The following CACNA2D3 variants were observed in gnomAD, a reference collection of about 807,000 sequenced individuals.
CACNA2D3 encodes calcium voltage-gated channel auxiliary subunit alpha2delta 3.
CACNA2D3 carries 60 observed loss-of-function variants against 160.6 expected under a neutral mutation model. That is an observed-to-expected ratio of 0.37 (90% CI 0.30 to 0.46). CACNA2D3 has a LOEUF of 0.46. Ranked by LOEUF, CACNA2D3 falls within the 20% of genes least tolerant of loss-of-function variation. The pLI, the probability that CACNA2D3 is intolerant of heterozygous loss-of-function variation, is 1.00. For synonymous variants in CACNA2D3, 558 were observed against 492.9 expected (o/e 1.13, Z -1.75); for missense variants, 1,205 against 1,365.0 (o/e 0.88, Z 1.85).
intron 2 of CACNA2D3, among the ~76,000 whole-genome samples, chr3:54,288,933 G>C (rs1002503026): frequency 2.0e-5 from 3 of 152,080 alleles, no homozygotes; most frequent in Non-Finnish European, 2.9e-5. Flanking sequence ...AATAATAAGA[G>C]CTATCTATGA....
intron 2 of CACNA2D3, among the ~76,000 whole-genome samples, chr3:54,289,632 G>A (rs552503580): frequency 2.6e-5 from 4 of 152,330 alleles, no homozygotes; most frequent in East Asian, 1.9e-4. Context: ...AAAGCTGGAA[G>A]CATCACGCTA....
intron 35 of CACNA2D3, among the ~76,000 whole-genome samples, chr3:55,022,997 TA>T (rs35801444): frequency 2.0e-5 from 3 of 152,212 alleles, no homozygotes; most frequent in South Asian, 2.1e-4. Context: ...CTCTTTAATT[TA>T]AAAAAAGCAT....
At chr3:54,512,077 C>T (rs1249537691) in intron 5 of CACNA2D3, among the ~76,000 whole-genome samples, 1 of 152,162 alleles carries the variant, frequency 6.6e-6, no homozygotes, top group Non-Finnish European at 1.5e-5. Flanking sequence ...AAGGGATTGC[C>T]TTGCTGAGGG....
rs757775786 is a variant in CACNA2D3, at chr3:54,193,781, G to T, written c.204+70187G>T. ...CAATGTGTTGTTGTTGAGAGTGTCAGCTCCATGGCCTGAGAGACCTAGGTT... is the reference window on the plus strand; with the variant it reads ...CAATGTGTTGTTGTTGAGAGTGTCATCTCCATGGCCTGAGAGACCTAGGTT... On this transcript the variant is annotated intron_variant, in intron 2 of 37. Transcript: ENST00000474759. 2.6e-5 allele frequency among the ~76,000 whole-genome samples: 4 copies of T among 152,310 alleles called. No individual in the cohort carries two copies. The South Asian group carries it at 6.2e-4, about 24-fold the overall frequency.
At chr3:54,431,612 T>G (rs1432157170) in intron 4 of CACNA2D3, among the ~76,000 whole-genome samples, 2 of 152,160 alleles carry the variant, frequency 1.3e-5, no homozygotes, top group Non-Finnish European at 2.9e-5. Context: ...TATGAAAATA[T>G]GGCTTTATTT....
At chr3:54,917,580 G>A (rs979548627) in intron 27 of CACNA2D3, among the ~76,000 whole-genome samples, 1 of 152,302 alleles carries the variant, frequency 6.6e-6, no homozygotes, top group Non-Finnish European at 1.5e-5. Context: ...CACTCTGTGC[G>A]CTATGTATGC....
At chr3:54,715,159 G>A (rs1701029910) in intron 11 of CACNA2D3, among the ~76,000 whole-genome samples, 1 of 152,182 alleles carries the variant, frequency 6.6e-6, no homozygotes, top group African/African-American at 2.4e-5. Flanking sequence ...CTGTGAATTG[G>A]GGGGTTCCCA....
At chr3:55,039,465 G>A (rs1053807761) in intron 35 of CACNA2D3, among the ~76,000 whole-genome samples, 3 of 152,216 alleles carry the variant, frequency 2.0e-5, no homozygotes, top group African/African-American at 7.2e-5. Flanking sequence ...AGGAAGAATA[G>A]TGGAATGAAC....
At chr3:54,931,522 C>T (rs1283274120) in intron 27 of CACNA2D3, among the ~76,000 whole-genome samples, 1 of 152,138 alleles carries the variant, frequency 6.6e-6, no homozygotes, top group Non-Finnish European at 1.5e-5. Flanking sequence ...AAAAGAGGAA[C>T]CAAGGAGAGA....
chr3:54,597,987 C>T (rs963924482), intron 9 of CACNA2D3, among the ~76,000 whole-genome samples: 2 of 151,892 alleles, frequency 1.3e-5, no homozygotes, highest in African/African-American at 2.4e-5. Flanking sequence ...ATCCATAGAG[C>T]GAGGATCAGT....
chr3:54,393,294 G>A (rs1458279667), intron 4 of CACNA2D3, among the ~76,000 whole-genome samples: 1 of 152,224 alleles, frequency 6.6e-6, no homozygotes, highest in Non-Finnish European at 1.5e-5. Flanking sequence ...TGAGGGAGCT[G>A]GCTGGTGTCC....
Position 54,570,079 on chromosome 3 carries a change from A to G in CACNA2D3, c.863A>G (p.Asp288Gly). Residue 288 changes from aspartate (D) to glycine (G), a missense_variant, in exon 8 of 38, where the codon GAT becomes GGT. Physicochemically the swap from Asp to Gly is moderately conservative, Grantham distance 94. Around this residue, in one of 3 missense-constraint regions of CACNA2D3, gnomAD observed 911 missense variants for 1,002.2 expected, o/e 0.91. Transcript: ENST00000474759. Reference sequence around the variant, plus strand: ...TCATCCATTTTGGATACACTTGGGGATGATGACTTCTTCAACATAATTGCT... The same window carrying G: ...TCATCCATTTTGGATACACTTGGGGGTGATGACTTCTTCAACATAATTGCT... ...TVSSILDTLG[D>G]DDFFNIIAYN... 6.2e-7 allele frequency: 1 copy of G among 1,613,720 alleles called. No individual in the cohort carries two copies.
chr3:54,183,362 C>G (rs1004239584), intron 2 of CACNA2D3, among the ~76,000 whole-genome samples: 2 of 151,946 alleles, frequency 1.3e-5, no homozygotes, highest in Non-Finnish European at 2.9e-5. Flanking sequence ...GGCCTGCCCT[C>G]TTGCAGGCTG....
At chr3:55,025,566 G>A (rs998577170) in intron 35 of CACNA2D3, among the ~76,000 whole-genome samples, 3 of 150,560 alleles carry the variant, frequency 2.0e-5, no homozygotes, top group Non-Finnish European at 3.0e-5. Flanking sequence ...CCCAGGAGGC[G>A]GAGGTTGCAG....
chr3:55,011,780 G>C lies in CACNA2D3; in HGVS notation c.2875+2337G>C, dbSNP rs143585035. ...TCCCCGAAAGGAAATCTTACCTGTAGTGTCAACTTGCTTTTGTTAAAATTG... is the reference window on the plus strand; with the variant it reads ...TCCCCGAAAGGAAATCTTACCTGTACTGTCAACTTGCTTTTGTTAAAATTG... On this transcript the variant is annotated intron_variant, in intron 34 of 37. Transcript: ENST00000474759. Among the ~76,000 whole-genome samples, 438 of 152,278 alleles carry C rather than the reference G, an allele frequency of 2.9e-3. 2 individuals are homozygous for C. Among genetic ancestry groups the C allele is most frequent in the African/African-American group, 0.01 (416 of 41,540 alleles).
chr3:54,856,710 A>G (rs1278009085), intron 17 of CACNA2D3, among the ~76,000 whole-genome samples: 1 of 152,226 alleles, frequency 6.6e-6, no homozygotes, highest in South Asian at 2.1e-4. Context: ...GAAAACAAAA[A>G]GTCGGGAGAG....
At position 54,268,369 on chromosome 3, in the gene CACNA2D3, C is replaced by T. The variant is rs552637389; in HGVS notation, c.205-52073C>T. 1.1e-4 allele frequency among the ~76,000 whole-genome samples: 16 copies of T among 152,254 alleles called. No individual in the cohort carries two copies. The South Asian group carries it at 3.1e-3, about 30-fold the overall frequency. On this transcript the variant is annotated intron_variant, in intron 2 of 37. Transcript: ENST00000474759. ...GTGTGGACCCAATCTCATTGTGCCT[C>T]ACTAAGGCTCTGTGAATTAGGGGCA... is the stretch of plus-strand genomic sequence containing the variant.
intron 27 of CACNA2D3, chr3:54,919,043 T>C: frequency 1.5e-6 from 1 of 655,348 alleles, no homozygotes; most frequent in Non-Finnish European, 2.3e-6. Context: ...AACCATATTT[T>C]ATGATTTTAG....
chr3:54,462,545 CT>C (rs1255375290), intron 4 of CACNA2D3, among the ~76,000 whole-genome samples: 8 of 152,174 alleles, frequency 5.3e-5, no homozygotes, highest in Non-Finnish European at 7.4e-5. Flanking sequence ...TTCTTTGTCT[CT>C]TTTGATCTTT....
Sources: allele counts gnomAD v4.1 joint callset (sites outside exome capture counted in the v4.1 genomes callset), GRCh38; gene constraint gnomAD v4.1.1; regional missense constraint gnomAD v4.1.1; transcripts MANE v1.5; gene names NCBI Gene and HGNC (gene_info 2026-07-23, HGNC 2026-07-21).